The following TMEM43 variants were observed in gnomAD, a reference collection of about 807,000 sequenced individuals.
TMEM43 encodes the protein arrhythmogenic right ventricular dysplasia 5.
A neutral mutation model predicts 49.6 loss-of-function variants in TMEM43; 45 were observed. The ratio of observed to expected loss-of-function variants is 0.91; its 90% CI spans 0.71 to 1.16. TMEM43 has a LOEUF of 1.16. TMEM43 is among the 50% of genes most tolerant of loss of function. The pLI is 0.00. For missense variants in TMEM43, 532 were observed against 516.6 expected, an observed-to-expected ratio of 1.03 and a Z score of -0.29; for synonymous variants, 199 against 207.8, an observed-to-expected ratio of 0.96 and a Z score of 0.36.
chr3:14,133,556 T>G (rs1394807456), intron 6 of TMEM43, among the ~76,000 whole-genome samples, 183 bp from the exon 7 acceptor site: 1 of 152,080 alleles, frequency 6.6e-6, no homozygotes, highest in Non-Finnish European at 1.5e-5. Context: ...GTGAGGGTGC[T>G]CAGCCCAGGG....
intron 9 of TMEM43, 125 bp downstream of exon 9, chr3:14,135,357 C>A: frequency 1.2e-6 from 1 of 811,226 alleles, no homozygotes; most frequent in Non-Finnish European, 2.1e-6. Flanking sequence ...CACTCTCGCA[C>A]ACACTCTCAG....
At chr3:14,135,376 G>C in intron 9 of TMEM43, 144 bp downstream of exon 9, 1 of 748,308 alleles carries the variant, frequency 1.3e-6, no homozygotes. Context: ...AGCCAGGCAC[G>C]CTTCTGAGCA....
chr3:14,128,848 A>G lies in TMEM43; in HGVS notation c.13-564A>G, dbSNP rs56808750. The stretch of plus-strand genomic sequence containing the variant: ...ATGAATATTCACAGCAGCATTATTC[A>G]TAACAGCCAAAACCTGGAAGCTGTC... On this transcript the variant is annotated intron_variant, in intron 1 of 11. Transcript: ENST00000306077. 1.1e-3 allele frequency: 483 copies of G among 431,496 alleles called. 5 individuals are homozygous for G. Among genetic ancestry groups the G allele is most frequent in the African/African-American group, 9.0e-3 (441 of 48,924 alleles). The allele number at this position is 431,496 out of a possible 1,614,324, so 26.7% of individuals were successfully genotyped here. A position where few individuals can be genotyped will look rare whatever the true frequency, so the allele number is the denominator to read the frequency against.
chr3:14,140,789 G>A (rs2124996540), intron 11 of TMEM43, among the ~76,000 whole-genome samples: 1 of 152,348 alleles, frequency 6.6e-6, no homozygotes, highest in South Asian at 2.1e-4. Context: ...CTTATTATAA[G>A]GGCTGAGTAG....
At chr3:14,127,990 T>C (rs936692718) in intron 1 of TMEM43, among the ~76,000 whole-genome samples, 2 of 152,154 alleles carry the variant, frequency 1.3e-5, no homozygotes, top group East Asian at 3.9e-4. Flanking sequence ...TAGGGAAATC[T>C]GGTAACATTT....
intron 10 of TMEM43, among the ~76,000 whole-genome samples, chr3:14,138,643 TTGGAGGGTCACGGCATG>T (rs1695206735): frequency 6.6e-6 from 1 of 151,920 alleles, no homozygotes; most frequent in African/African-American, 2.4e-5. Flanking sequence ...CAGCTTTAAA[TTGGAGGGTCACGGCATG>T]TGGAGGCCAA....
intron 8 of TMEM43, 69 bp downstream of exon 8, chr3:14,134,960 C>G (rs923816409): frequency 1.2e-6 from 2 of 1,607,646 alleles, no homozygotes; most frequent in African/African-American, 1.3e-5. Flanking sequence ...CTGCGCCAGG[C>G]AGATTCAGTT....
At chr3:14,138,837 T>C (rs1168221287) in intron 10 of TMEM43, among the ~76,000 whole-genome samples, 2 of 152,198 alleles carry the variant, frequency 1.3e-5, no homozygotes, top group African/African-American at 4.8e-5. Context: ...ATCACACACA[T>C]AGCGCAGAGC....
chr3:14,134,990 A>T, intron 8 of TMEM43, 99 bp downstream of exon 8: 1 of 1,581,028 alleles, frequency 6.3e-7, no homozygotes, highest in Non-Finnish European at 8.7e-7. Flanking sequence ...GCACAGCTGC[A>T]CTTGGCCAAG....
At chr3:14,138,484 G>A (rs759496069) in intron 10 of TMEM43, among the ~76,000 whole-genome samples, 2 of 152,180 alleles carry the variant, frequency 1.3e-5, no homozygotes, top group Non-Finnish European at 2.9e-5. Flanking sequence ...CCATAGATGT[G>A]AGTGGGTGGG....
At position 14,142,074 on chromosome 3, in the gene TMEM43, T is replaced by C. The variant is rs1413221030; in HGVS notation, c.*279T>C. 5 of 492,836 alleles carry C rather than the reference T, an allele frequency of 1.0e-5. No homozygotes were observed. Among genetic ancestry groups the C allele is most frequent in the Non-Finnish European group, 1.9e-5 (5 of 269,340 alleles). 30.5% of individuals were successfully genotyped at this position (492,836 alleles called of 1,614,324 possible). A position where few individuals can be genotyped will look rare whatever the true frequency, so the allele number is the denominator to read the frequency against. On this transcript the variant is annotated 3_prime_UTR_variant, in exon 12 of 12. Transcript: ENST00000306077. ...TTCTCCTGCTGTTTCCTTCCTCTCT[T>C]GGACTGAGTGGGTACGGCCAGCCAC...
At chr3:14,139,718 A>G (rs192003382) in intron 11 of TMEM43, among the ~76,000 whole-genome samples, 16 of 152,308 alleles carry the variant, frequency 1.1e-4, no homozygotes, top group African/African-American at 3.8e-4. Context: ...CCTTACATGC[A>G]GAGTTTTATG....
In TMEM43 at chr3:14,139,179, G is replaced by A; in HGVS notation, c.883-1G>A. 3 of 1,611,992 alleles carry A rather than the reference G, an allele frequency of 1.9e-6. No homozygotes were observed. The highest frequency in any genetic ancestry group is 2.5e-6 in the Non-Finnish European group (3 of 1,178,056). ...TGACCTGCCCCCACCTTGTCCTGCA[G>A]GAGGTGTTTCATAGAGAACTAAGGA... On this transcript the variant is annotated splice_acceptor_variant, in intron 10 of 11. Transcript: ENST00000306077. LOFTEE classifies it high-confidence loss of function.
Position 14,132,887 on chromosome 3 carries a change from T to C in TMEM43, c.464T>C (p.Ile155Thr). Residue 155 changes from isoleucine (I) to threonine (T), a missense_variant, in exon 6 of 12, where the codon ATC becomes ACC. By Grantham distance (89) the Ile-to-Thr change is moderately conservative. Transcript: ENST00000306077. ...GCAGACACTGAATGGAGGTCAGAAA[T>C]CATCAACAGCAAAAACTTCGACCGA... ...YSYNTEWRSE[I>T]INSKNFDREI... 6.2e-7 allele frequency: 1 copy of C among 1,613,982 alleles called. No individual in the cohort carries two copies. Among genetic ancestry groups the C allele is most frequent in the Non-Finnish European group, 8.5e-7 (1 of 1,179,950 alleles).
In TMEM43 at chr3:14,130,903, C is replaced by T. The variant is rs148171303; in HGVS notation, c.244C>T (p.Pro82Ser). The T allele has an allele frequency of 1.2e-6, 2 of 1,613,456 alleles. No homozygotes were observed. Among genetic ancestry groups the T allele is most frequent in the African/African-American group, 1.3e-5 (1 of 74,884 alleles). Residue 82 changes from proline (P) to serine (S), a missense_variant, in exon 3 of 12, where the codon CCG becomes TCG. Transcript: ENST00000306077. Reference protein sequence around the residue: ...VSPDSIHSVAPENEGRLVHII... With the variant: ...VSPDSIHSVASENEGRLVHII... The stretch of plus-strand genomic sequence containing the variant: ...TCCCGACAGCATCCACAGTGTGGCT[C>T]CGGAGAATGAAGGAAGGCTGGTGCA...
rs764648241 is a variant in TMEM43, at chr3:14,129,480, A to G, written c.81A>G (p.Glu27=). The G allele has an allele frequency of 6.2e-7, 1 of 1,614,114 alleles. No individual in the cohort carries two copies. Among genetic ancestry groups the G allele is most frequent in the Non-Finnish European group, 8.5e-7 (1 of 1,180,016 alleles). The part of the protein sequence containing the change: ...VKTSSQPGFL[E]RLSETSGGMF... ...CCAGCTCCCAGCCAGGCTTCCTGGAACGGCTGAGCGAGACCTCGGGTGGGA... is the reference window on the plus strand; with the variant it reads ...CCAGCTCCCAGCCAGGCTTCCTGGAGCGGCTGAGCGAGACCTCGGGTGGGA... Residue 27 remains glutamate (E), a synonymous_variant, in exon 2 of 12, where the codon GAA becomes GAG. Transcript: ENST00000306077.
chr3:14,133,819 A>G lies in TMEM43; in HGVS notation c.583+10A>G. The G allele has an allele frequency of 1.9e-6, 3 of 1,613,798 alleles. No individual in the cohort carries two copies. The highest frequency in any genetic ancestry group is 1.7e-6 in the Non-Finnish European group (2 of 1,179,646). On this transcript the variant is annotated intron_variant, in intron 7 of 11. Transcript: ENST00000306077. The stretch of plus-strand genomic sequence containing the variant: ...TTTTTCCTCTCGTCAGGTAAGTCTC[A>G]GGCCTCTCCAGAGGAGCTCGTGCCA...
At chr3:14,127,953 A>G (rs1232519616) in intron 1 of TMEM43, among the ~76,000 whole-genome samples, 1 of 152,176 alleles carries the variant, frequency 6.6e-6, no homozygotes, top group East Asian at 1.9e-4. Context: ...GCTCACCCCC[A>G]GCCTGGTGCC....
At chr3:14,134,313 G>A (rs2124990424) in intron 7 of TMEM43, among the ~76,000 whole-genome samples, 1 of 152,364 alleles carries the variant, frequency 6.6e-6, no homozygotes, top group Non-Finnish European at 1.5e-5. Flanking sequence ...CTGTTCCTGG[G>A]CCTGACCCAT....
Sources: gnomAD v4.1 joint callset for allele counts (sites outside exome capture counted in the v4.1 genomes callset) on GRCh38, gnomAD v4.1.1 for gene constraint, MANE v1.5 for transcripts, NCBI Gene and HGNC (gene_info 2026-07-23, HGNC 2026-07-21) for gene names.